OR8G5: variants seen among roughly 807,000 people sequenced by gnomAD.
OR8G5 encodes the protein olfactory receptor family 8 subfamily G member 5, also known as olfactory receptor 8G5.
For synonymous variants in OR8G5, 147 were observed against 147.7 expected (o/e 1.00, Z 0.03); for missense variants, 347 against 371.9 (o/e 0.93, Z 0.55).
intron 1 of OR8G5, among the ~76,000 whole-genome samples, chr11:124,260,428 G>A (rs1050951771): frequency 2.6e-5 from 4 of 151,872 alleles, no homozygotes; most frequent in African/African-American, 7.3e-5. Context: ...ATACCTGGGT[G>A]AGTAAATAAT....
chr11:124,263,420 C>T (rs1034710399), intron 1 of OR8G5, among the ~76,000 whole-genome samples: 6 of 151,856 alleles, frequency 4.0e-5, no homozygotes, highest in Non-Finnish European at 8.8e-5. Flanking sequence ...CATATGTGTA[C>T]ATGTGCCATG....
intron 1 of OR8G5, among the ~76,000 whole-genome samples, chr11:124,262,497 C>CA (rs11378325): frequency 0.48 from 72,793 of 151,270 alleles, 18,230 homozygotes; most frequent in East Asian, 0.58. Context: ...TTCTTACACA[C>CA]AAAATCCTGT....
intron 1 of OR8G5, among the ~76,000 whole-genome samples, chr11:124,257,381 T>A (rs1861923628): frequency 6.6e-6 from 1 of 152,190 alleles, no homozygotes; most frequent in South Asian, 2.1e-4. Flanking sequence ...TTATTTAATG[T>A]GTATATACAT....
chr11:124,261,488 C>G (rs1354591248), intron 1 of OR8G5, among the ~76,000 whole-genome samples: 1 of 151,886 alleles, frequency 6.6e-6, no homozygotes, highest in Non-Finnish European at 1.5e-5. Flanking sequence ...TTAAGCAAGA[C>G]ACATTACTAA....
rs747752869 is a variant in OR8G5, at chr11:124,265,316, C to G, written c.385C>G (p.Pro129Ala). ...AYDGYVAICS[P>A]LLYSIIISNK... The stretch of plus-strand genomic sequence containing the variant: ...TGACGGCTACGTGGCCATCTGTAGC[C>G]CCTTGCTGTACAGCATCATCATATC... The change falls in exon 2 of 2, where the codon CCC (proline) becomes GCC (alanine). Residue 129 changes from proline (P) to alanine (A), a missense_variant. Transcript: ENST00000641992. 1.2e-5 allele frequency: 19 copies of G among 1,613,820 alleles called. No individual in the cohort carries two copies. The highest frequency in any genetic ancestry group is 1.7e-5 in the Admixed American group (1 of 59,984).
At position 124,262,422 on chromosome 11, in the gene OR8G5, CTAAA is replaced by C. The variant is rs1194857249; in HGVS notation, c.-14-2495_-14-2492del. Among the ~76,000 whole-genome samples the C allele has an allele frequency of 2.0e-5, 3 of 151,622 alleles. No homozygotes were observed. The East Asian group carries it at 5.8e-4, about 29-fold the overall frequency. On this transcript the variant is annotated intron_variant, in intron 1 of 1. Coordinates refer to ENST00000641992, the MANE Select transcript of OR8G5 (RefSeq NM_001005198.2). Reference sequence around the variant, plus strand: ...GAATTGAAAATTCAATTTAAGAAAACTAAAAAGAAAGATAAAATCTGAATATATG... The same window carrying C: ...GAATTGAAAATTCAATTTAAGAAAACAAGAAAGATAAAATCTGAATATATG...
intron 1 of OR8G5, among the ~76,000 whole-genome samples, chr11:124,256,869 T>C (rs1322553359): frequency 1.3e-5 from 2 of 152,206 alleles, no homozygotes; most frequent in Non-Finnish European, 2.9e-5. Context: ...AGTCTAAAAA[T>C]GTGCTGTTTA....
chr11:124,258,555 T>G (rs1167978243), intron 1 of OR8G5, among the ~76,000 whole-genome samples: 1 of 151,598 alleles, frequency 6.6e-6, no homozygotes, highest in African/African-American at 2.4e-5. Flanking sequence ...CGAGCGAGAC[T>G]CCATCTCAAA....
chr11:124,265,737 A>C lies in OR8G5; in HGVS notation c.806A>C (p.Asp269Ala). Residue 269 changes from aspartate (D) to alanine (A), a missense_variant, in exon 2 of 2, where the codon GAC (aspartate) becomes GCC (alanine). Physicochemically the swap from Asp to Ala is moderately radical, Grantham distance 126 (BLOSUM62 -2). Transcript: ENST00000641992. The part of the protein sequence containing the change: ...YLQPSSVSSM[D>A]QGKVSSVFYT... Reference sequence around the variant, plus strand: ...CAGCCATCATCTGTCAGCTCCATGGACCAGGGGAAAGTGTCCTCTGTGTTT... The same window carrying C: ...CAGCCATCATCTGTCAGCTCCATGGCCCAGGGGAAAGTGTCCTCTGTGTTT... 6.2e-7 allele frequency: 1 copy of C among 1,614,118 alleles called. No homozygotes were observed. Among genetic ancestry groups the C allele is most frequent in the Admixed American group, 1.7e-5 (1 of 60,024 alleles).
chr11:124,265,195 G>A lies in OR8G5; in HGVS notation c.264G>A (p.Glu88=), dbSNP rs758850502. Residue 88 remains glutamate (E), a synonymous_variant, in exon 2 of 2, where the codon GAG becomes GAA. Coordinates refer to ENST00000641992, the MANE Select transcript of OR8G5 (RefSeq NM_001005198.2). ...TPKMLVNFVT[E]KNIISYPECM... ...AGATGCTGGTGAACTTTGTGACAGA[G>A]AAGAACATCATCTCCTACCCTGAAT... 1.2e-6 allele frequency: 2 copies of A among 1,614,096 alleles called. No homozygotes were observed. The highest frequency in any genetic ancestry group is 2.2e-5 in the South Asian group (2 of 91,066).
rs775946628 is a variant in OR8G5, at chr11:124,265,714, G to A, written c.783G>A (p.Gln261=). The stretch of plus-strand genomic sequence containing the variant: ...GGTCTGCAGCATTCATGTACCTGCA[G>A]CCATCATCTGTCAGCTCCATGGACC... ...FFGSAAFMYL[Q]PSSVSSMDQG... is the part of the protein sequence containing the mutation. The change falls in exon 2 of 2, where the codon CAG becomes CAA. Residue 261 remains glutamine (Q), a synonymous_variant. Transcript: ENST00000641992. 10 of 1,614,026 alleles carry A rather than the reference G, an allele frequency of 6.2e-6. No homozygotes were observed. Among genetic ancestry groups the A allele is most frequent in the Middle Eastern group, 3.3e-4 (2 of 6,060 alleles).
Position 124,265,488 on chromosome 11 carries a change from A to G in OR8G5, c.557A>G (p.Lys186Arg). 6.2e-7 allele frequency: 1 copy of G among 1,613,948 alleles called. No individual in the cohort carries two copies. The highest frequency in any genetic ancestry group is 8.5e-7 in the Non-Finnish European group (1 of 1,179,862). ...TTCTGTGATCTTATTTCTATCTTGA[A>G]GCTCTCCTGTTCTAGTACTTACATT... is the stretch of plus-strand genomic sequence containing the variant. Reference protein sequence around the residue: ...HYFCDLISILKLSCSSTYINE... With the variant: ...HYFCDLISILRLSCSSTYINE... The change falls in exon 2 of 2, where the codon AAG becomes AGG. Residue 186 changes from lysine to arginine, a missense_variant. Transcript: ENST00000641992.
chr11:124,262,786 A>T (rs888931497), intron 1 of OR8G5, among the ~76,000 whole-genome samples: 2 of 152,076 alleles, frequency 1.3e-5, no homozygotes, highest in Non-Finnish European at 2.9e-5. Context: ...TGCCATGTAC[A>T]TTTTTGTACA....
intron 1 of OR8G5, among the ~76,000 whole-genome samples, chr11:124,257,051 A>G (rs547317127): frequency 6.6e-6 from 1 of 152,350 alleles, no homozygotes; most frequent in Admixed American, 6.5e-5. Flanking sequence ...AACAGTAAAC[A>G]AAAAGTCAGA....
chr11:124,263,679 C>T (rs1861998063), intron 1 of OR8G5, among the ~76,000 whole-genome samples: 2 of 151,900 alleles, frequency 1.3e-5, no homozygotes, highest in South Asian at 4.2e-4. Flanking sequence ...AAATCATAAA[C>T]TTTTCCAAGA....
chr11:124,265,633 G>A lies in OR8G5; in HGVS notation c.702G>A (p.Arg234=). 6.2e-7 allele frequency: 1 copy of A among 1,613,982 alleles called. No individual in the cohort carries two copies. The highest frequency in any genetic ancestry group is 8.5e-7 in the Non-Finnish European group (1 of 1,179,918). Residue 234 remains arginine, a synonymous_variant, in exon 2 of 2, where the codon AGG becomes AGA. Coordinates refer to ENST00000641992, the MANE Select transcript of OR8G5 (RefSeq NM_001005198.2). ...TCCGCATTCGCTACACTGAGGGCAG[G>A]TCCAAAGCCTTCAGCACTTGCAGCT... ...SILRIRYTEG[R]SKAFSTCSSH...
chr11:124,257,032 T>C (rs1565318257), intron 1 of OR8G5, among the ~76,000 whole-genome samples: 1 of 152,180 alleles, frequency 6.6e-6, no homozygotes, highest in Non-Finnish European at 1.5e-5. Flanking sequence ...GACTATTTAA[T>C]GTAGAAGGAA....
At chr11:124,259,897 G>A (rs1861952136) in intron 1 of OR8G5, among the ~76,000 whole-genome samples, 1 of 151,976 alleles carries the variant, frequency 6.6e-6, no homozygotes, top group Non-Finnish European at 1.5e-5. Flanking sequence ...AAATATTAGT[G>A]TTAATATAAA....
Position 124,265,498 on chromosome 11 carries a change from T to C in OR8G5, c.567T>C (p.Cys189=). The C allele has an allele frequency of 6.2e-7, 1 of 1,614,028 alleles. No individual in the cohort carries two copies. The highest frequency in any genetic ancestry group is 8.5e-7 in the Non-Finnish European group (1 of 1,179,884). ...TTATTTCTATCTTGAAGCTCTCCTGTTCTAGTACTTACATTAATGAGTTAC... is the reference window on the plus strand; with the variant it reads ...TTATTTCTATCTTGAAGCTCTCCTGCTCTAGTACTTACATTAATGAGTTAC... ...CDLISILKLS[C]SSTYINELLI... is the part of the protein sequence containing the mutation. Residue 189 remains cysteine, a synonymous_variant, in exon 2 of 2, where the codon TGT becomes TGC. Transcript: ENST00000641992.
Sources: allele counts gnomAD v4.1 joint callset (sites outside exome capture counted in the v4.1 genomes callset), GRCh38; gene constraint gnomAD v4.1.1; transcripts MANE v1.5; gene names NCBI Gene and HGNC (gene_info 2026-07-23, HGNC 2026-07-21).